Variants in KCNIP4 observed in about 807,000 individuals in gnomAD.
The protein encoded by KCNIP4 is potassium voltage-gated channel interacting protein 4, also known as Kv channel-interacting protein 4.
In KCNIP4, 12 loss-of-function variants were observed where a neutral mutation model predicts 34.0. The ratio of observed to expected loss-of-function variants is 0.35; its 90% CI spans 0.23 to 0.57. The LOEUF (loss-of-function observed/expected upper bound fraction) is 0.57, where lower values mean the gene tolerates loss of function less well. Among genes scored for constraint, KCNIP4 ranks in the 20% least tolerant of loss-of-function variants. KCNIP4 has a pLI of 0.83. For missense variants in KCNIP4, 238 were observed against 311.7 expected, an observed-to-expected ratio of 0.76 and a Z score of 1.78; for synonymous variants, 124 against 102.2, an observed-to-expected ratio of 1.21 and a Z score of -1.29.
intron 1 of KCNIP4, among the ~76,000 whole-genome samples, chr4:21,555,810 A>T (rs1738960033): frequency 6.6e-6 from 1 of 152,052 alleles, no homozygotes; most frequent in Non-Finnish European, 1.5e-5. Context: ...CAAAATTAGG[A>T]TTCCTGTGAC....
At chr4:20,858,768 C>A (rs1407120767) in intron 2 of KCNIP4, among the ~76,000 whole-genome samples, 2 of 152,134 alleles carry the variant, frequency 1.3e-5, no homozygotes, top group African/African-American at 2.4e-5. Context: ...TTGCTCTAAG[C>A]GTGGTTGTAT....
At chr4:21,297,435 GC>G (rs1174850582) in intron 1 of KCNIP4, among the ~76,000 whole-genome samples, 1 of 152,034 alleles carries the variant, frequency 6.6e-6, no homozygotes, top group East Asian at 1.9e-4. Flanking sequence ...CTATCACTCG[GC>G]CCTAAATTCT....
intron 1 of KCNIP4, among the ~76,000 whole-genome samples, chr4:21,294,411 T>C (rs1450779132): frequency 6.6e-6 from 1 of 152,220 alleles, no homozygotes; most frequent in Non-Finnish European, 1.5e-5. Flanking sequence ...CTATTAGTTT[T>C]ATAAGAATCC....
chr4:21,486,964 A>AT (rs969917744), intron 1 of KCNIP4, among the ~76,000 whole-genome samples: 26 of 149,228 alleles, frequency 1.7e-4, no homozygotes, highest in South Asian at 8.5e-4. Context: ...CACCTGGCTA[A>AT]TTTTTTTTTT....
chr4:21,232,266 G>T (rs1758848961), intron 1 of KCNIP4, among the ~76,000 whole-genome samples: 1 of 152,052 alleles, frequency 6.6e-6, no homozygotes, highest in Admixed American at 6.6e-5. Flanking sequence ...GAAGAGAAAT[G>T]TAATCGATTT....
intron 3 of KCNIP4, among the ~76,000 whole-genome samples, chr4:20,768,333 G>T (rs1755595327): frequency 6.6e-6 from 1 of 152,132 alleles, no homozygotes. Flanking sequence ...AGTCATGGGG[G>T]TTCCGATATC....
rs1212225454 is a variant in KCNIP4 at position 21,391,582 on chromosome 4, A to G, written c.62-508873T>C. ...TCACACTCCTCAGCATGCCACTGAGACCTACCCATACTTGATATGCTCCAC... is the reference window on the plus strand; with the variant it reads ...TCACACTCCTCAGCATGCCACTGAGGCCTACCCATACTTGATATGCTCCAC... On this transcript the variant is annotated intron_variant, in intron 1 of 8. Transcript: ENST00000382152. Among the ~76,000 whole-genome samples, 3 of 152,216 alleles carry G rather than the reference A, an allele frequency of 2.0e-5. No homozygotes were observed. The East Asian group carries it at 5.8e-4, about 29-fold the overall frequency.
chr4:21,924,243 C>CTTTTTTT (rs67541105), intron 1 of KCNIP4, among the ~76,000 whole-genome samples: 1 of 107,564 alleles, frequency 9.3e-6, no homozygotes, highest in Non-Finnish European at 1.9e-5. Context: ...GAATATATTT[C>CTTTTTTT]TTTTTTTTTT....
chr4:21,223,946 A>G (rs1347796486), intron 1 of KCNIP4, among the ~76,000 whole-genome samples: 1 of 152,050 alleles, frequency 6.6e-6, no homozygotes, highest in African/African-American at 2.4e-5. Context: ...ACCCTATACC[A>G]GCTCCTAAGG....
chr4:21,434,879 G>A (rs114881000), intron 1 of KCNIP4, among the ~76,000 whole-genome samples: 1 of 151,916 alleles, frequency 6.6e-6, no homozygotes, highest in Admixed American at 6.6e-5. Flanking sequence ...TTTTCTGGCT[G>A]GGTGTTCTAG....
At chr4:21,289,844 A>G (rs991886368) in intron 1 of KCNIP4, among the ~76,000 whole-genome samples, 2 of 152,194 alleles carry the variant, frequency 1.3e-5, no homozygotes, top group African/African-American at 4.8e-5. Flanking sequence ...AGAATTGCCA[A>G]GCAGCCACAG....
intron 1 of KCNIP4, among the ~76,000 whole-genome samples, chr4:21,489,917 T>C (rs1162219839): frequency 3.3e-5 from 5 of 152,032 alleles, no homozygotes; most frequent in African/African-American, 1.2e-4. Context: ...GAAGAAAAAG[T>C]GAACTTTGAT....
At chr4:21,144,993 G>T (rs894895440) in intron 1 of KCNIP4, among the ~76,000 whole-genome samples, 1 of 151,646 alleles carries the variant, frequency 6.6e-6, no homozygotes, top group African/African-American at 2.4e-5. Flanking sequence ...AAAAAAAATA[G>T]TAATATGAAT....
At chr4:21,753,181 A>G (rs1717268162) in intron 1 of KCNIP4, among the ~76,000 whole-genome samples, 1 of 152,206 alleles carries the variant, frequency 6.6e-6, no homozygotes, top group Admixed American at 6.5e-5. Flanking sequence ...AAGTGTAGTG[A>G]GGCTCCTCAT....
At chr4:21,431,393 T>G (rs1374405713) in intron 1 of KCNIP4, among the ~76,000 whole-genome samples, 1 of 152,116 alleles carries the variant, frequency 6.6e-6, no homozygotes, top group Non-Finnish European at 1.5e-5. Flanking sequence ...ATAATTATTT[T>G]TATAACCTCC....
At chr4:21,428,892 C>T (rs1187715294) in intron 1 of KCNIP4, among the ~76,000 whole-genome samples, 1 of 152,164 alleles carries the variant, frequency 6.6e-6, no homozygotes, top group African/African-American at 2.4e-5. Context: ...CATATACTCT[C>T]TGCCCCCACA....
intron 2 of KCNIP4, among the ~76,000 whole-genome samples, chr4:20,864,300 GTATGCATATATACATACGTTTA>G (rs1205950883): frequency 6.6e-6 from 1 of 150,890 alleles, no homozygotes; most frequent in Non-Finnish European, 1.5e-5. Context: ...GTACACATAT[GTATGCATATATACATACGTTTA>G]TATGCATATG....
At chr4:21,330,644 C>T (rs146219457) in intron 1 of KCNIP4, among the ~76,000 whole-genome samples, 3,013 of 152,172 alleles carry the variant, frequency 0.02, 98 homozygotes, top group African/African-American at 0.067. Context: ...CCCTATAGAG[C>T]ATTCCGCATG....
chr4:21,859,649 C>G (rs551329922), intron 1 of KCNIP4, among the ~76,000 whole-genome samples: 1 of 151,822 alleles, frequency 6.6e-6, no homozygotes, highest in Admixed American at 6.6e-5. Flanking sequence ...AGGAATAGTG[C>G]TCTCATTTAC....
Sources: allele counts gnomAD v4.1 joint callset (sites outside exome capture counted in the v4.1 genomes callset), GRCh38; gene constraint gnomAD v4.1.1; transcripts MANE v1.5; gene names NCBI Gene and HGNC (gene_info 2026-07-23, HGNC 2026-07-21).